GGA2: variants seen among roughly 807,000 people sequenced by gnomAD.
GGA2 encodes the protein golgi associated, gamma adaptin ear containing, ARF binding protein 2.
A neutral mutation model predicts 79.5 loss-of-function variants in GGA2; 48 were observed. The observed-to-expected ratio is 0.60, with a 90% CI of 0.48 to 0.77. The LOEUF (loss-of-function observed/expected upper bound fraction) is 0.77. GGA2 is among the 30% of genes least tolerant of loss of function. The probability of loss-of-function intolerance (pLI) is 0.00; values close to 1 mark genes in which losing one functional copy is unlikely to be tolerated. For synonymous variants in GGA2, 317 were observed against 302.0 expected, an observed-to-expected ratio of 1.05 and a Z score of -0.51; for missense variants, 770 against 774.0, an observed-to-expected ratio of 0.99 and a Z score of 0.06.
intron 9 of GGA2, among the ~76,000 whole-genome samples, chr16:23,481,405 G>A (rs1224967538): frequency 6.6e-6 from 1 of 152,150 alleles, no homozygotes; most frequent in African/African-American, 2.4e-5. Context: ...AACAGAACAT[G>A]AGCAGCATCA....
chr16:23,506,973 G>A (rs985083440), intron 1 of GGA2, among the ~76,000 whole-genome samples: 4 of 152,138 alleles, frequency 2.6e-5, no homozygotes, highest in African/African-American at 2.4e-5. Context: ...ACCCAGAATG[G>A]GGGAGGGGCA....
At chr16:23,491,099 G>A (rs919733232) in intron 5 of GGA2, among the ~76,000 whole-genome samples, 1 of 150,646 alleles carries the variant, frequency 6.6e-6, no homozygotes, top group Admixed American at 6.6e-5. Flanking sequence ...GGAAGAGAGT[G>A]TGTGTGTTTG....
At chr16:23,473,031 C>CAAAAAAAAAAAAA (rs71379682) in intron 14 of GGA2, among the ~76,000 whole-genome samples, 1 of 114,506 alleles carries the variant, frequency 8.7e-6, no homozygotes, top group Non-Finnish European at 1.7e-5. Flanking sequence ...ACTCTGTCTC[C>CAAAAAAAAAAAAA]AAAAAAAAAA....
rs1198639124 is a variant in GGA2 at position 23,510,412 on chromosome 16, C to G, written c.-1G>C. On this transcript the variant is annotated 5_prime_UTR_variant, in exon 1 of 17. Transcript: ENST00000309859. Reference sequence around the variant, plus strand: ...CCGCCGCCACCGCGGTCGCCGCCATCGCTCCAGCCCCGACGCTGCGGCCGC... The same window carrying G: ...CCGCCGCCACCGCGGTCGCCGCCATGGCTCCAGCCCCGACGCTGCGGCCGC... The G allele has an allele frequency of 5.5e-6, 7 of 1,279,668 alleles. No individual in the cohort carries two copies. In the South Asian group the frequency reaches 1.3e-4, roughly 24 times the overall value. 79.3% of individuals were successfully genotyped at this position (1,279,668 alleles called of 1,614,324 possible). A position where few individuals can be genotyped will look rare whatever the true frequency, so the allele number is the denominator to read the frequency against.
At chr16:23,492,484 A>C (rs765665771) in intron 4 of GGA2, among the ~76,000 whole-genome samples, 4 of 152,178 alleles carry the variant, frequency 2.6e-5, no homozygotes, top group Non-Finnish European at 4.4e-5. Flanking sequence ...AAAACAAAAC[A>C]AAAAAACCTC....
At chr16:23,516,723 G>A (rs894594878) in intron 2 of GGA2, among the ~76,000 whole-genome samples, 2 of 152,114 alleles carry the variant, frequency 1.3e-5, no homozygotes, top group African/African-American at 2.4e-5. Flanking sequence ...TCAGGGACAC[G>A]CAGACTCCCT....
intron 7 of GGA2, 121 bp from the exon 8 acceptor site, chr16:23,486,273 G>T: frequency 1.2e-6 from 1 of 815,832 alleles, no homozygotes; most frequent in Non-Finnish European, 2.0e-6. Context: ...AGGATGTTAA[G>T]TGCATGGGAG....
chr16:23,524,265 T>C, upstream of GGA2: 1 of 921,610 alleles, frequency 1.1e-6, no homozygotes, highest in Non-Finnish European at 1.8e-6. Context: ...TCTTAGTTCC[T>C]TCAGCAAACT....
At chr16:23,485,895 G>A (rs1436159988) in intron 8 of GGA2, 120 bp downstream of exon 8, 1 of 874,954 alleles carries the variant, frequency 1.1e-6, no homozygotes, top group Non-Finnish European at 1.8e-6. Flanking sequence ...GACATTTGGG[G>A]AGGTGTCAGA....
chr16:23,479,954 A>G, intron 10 of GGA2, 67 bp from the exon 11 acceptor site: 1 of 1,527,138 alleles, frequency 6.5e-7, no homozygotes, highest in Non-Finnish European at 9.0e-7. Context: ...CATAAATCCT[A>G]TCAGCTTCCC....
intron 1 of GGA2, among the ~76,000 whole-genome samples, chr16:23,504,912 C>T (rs920506860): frequency 3.3e-5 from 5 of 152,310 alleles, no homozygotes; most frequent in South Asian, 2.1e-4. Flanking sequence ...CTGAGACCTC[C>T]GGCTGTGAGT....
rs934499580 is a variant in GGA2 at position 23,467,727 on chromosome 16, A to C, written c.1732-27T>G. 4 of 1,171,708 alleles carry C rather than the reference A, an allele frequency of 3.4e-6. No individual in the cohort carries two copies. The African/African-American group carries it at 4.5e-5, about 13-fold the overall frequency. The allele number at this position is 1,171,708 out of a possible 1,614,324, so 72.6% of individuals were successfully genotyped here. A position where few individuals can be genotyped will look rare whatever the true frequency, so the allele number is the denominator to read the frequency against. On this transcript the variant is annotated intron_variant, in intron 16 of 16. Coordinates refer to ENST00000309859, the MANE Select transcript of GGA2 (RefSeq NM_015044.4). ...TGGGACAGAAGAGACAGAAGATGTC[A>C]AATCAGTGGAGAGCAACCCAGGAAC...
At chr16:23,523,789 G>A (rs1567376221), upstream of GGA2, 1 of 151,424 alleles carries the variant, frequency 6.6e-6, no homozygotes, top group Admixed American at 6.6e-5. Context: ...TTAAAATCCA[G>A]TCCAACTGGT....
chr16:23,511,107 T>C (rs1282051164), upstream of GGA2, among the ~76,000 whole-genome samples: 1 of 151,908 alleles, frequency 6.6e-6, no homozygotes, highest in African/African-American at 2.4e-5. Flanking sequence ...GGCTACAAGA[T>C]CCTCTTACCT....
At chr16:23,481,741 C>A (rs938610681) in intron 9 of GGA2, among the ~76,000 whole-genome samples, 1 of 152,166 alleles carries the variant, frequency 6.6e-6, no homozygotes, top group Non-Finnish European at 1.5e-5. Flanking sequence ...GAGCACGCCA[C>A]TGGACTCCAG....
intron 5 of GGA2, among the ~76,000 whole-genome samples, chr16:23,491,180 G>A (rs747279159): frequency 3.3e-5 from 5 of 151,670 alleles, no homozygotes; most frequent in East Asian, 1.9e-4. Context: ...GGTGGCACAC[G>A]CCTGTAGTCC....
chr16:23,486,645 A>T, intron 7 of GGA2, 65 bp downstream of exon 7: 1 of 922,926 alleles, frequency 1.1e-6, no homozygotes, highest in Non-Finnish European at 1.8e-6. Context: ...GCATAGGCTC[A>T]TATGCACTGT....
At chr16:23,498,705 C>G (rs185662114) in intron 1 of GGA2, among the ~76,000 whole-genome samples, 1 of 152,174 alleles carries the variant, frequency 6.6e-6, no homozygotes, top group Non-Finnish European at 1.5e-5. Context: ...TTTATTATTA[C>G]GTACAGTCTC....
At chr16:23,468,220 C>T (rs1286442209) in intron 16 of GGA2, among the ~76,000 whole-genome samples, 1 of 152,152 alleles carries the variant, frequency 6.6e-6, no homozygotes, top group Admixed American at 6.6e-5. Flanking sequence ...GCTCTGTCAC[C>T]AGGCTGGAGT....
Sources: allele counts gnomAD v4.1 joint callset (sites outside exome capture counted in the v4.1 genomes callset), GRCh38; gene constraint gnomAD v4.1.1; transcripts MANE v1.5; gene names NCBI Gene and HGNC (gene_info 2026-07-23, HGNC 2026-07-21).